BBX: variants seen among roughly 807,000 people sequenced by gnomAD.
The protein encoded by BBX is HMG box transcription factor BBX.
A neutral mutation model predicts 100.2 loss-of-function variants in BBX; 30 were observed. The observed-to-expected ratio is 0.30, with a 90% CI of 0.22 to 0.41. BBX has a LOEUF of 0.41. Among genes scored for constraint, BBX ranks in the 10% least tolerant of loss-of-function variants. The pLI is 1.00. For synonymous variants in BBX, 376 were observed against 388.1 expected (o/e 0.97, Z 0.37); for missense variants, 1,023 against 1,129.8 (o/e 0.91, Z 1.35).
chr3:107,797,784 G>A (rs987329439), intron 15 of BBX, among the ~76,000 whole-genome samples: 2 of 152,170 alleles, frequency 1.3e-5, no homozygotes, highest in Admixed American at 1.3e-4. Flanking sequence ...TTGACAGAGT[G>A]ACTCAGAATA....
At chr3:107,558,554 T>C (rs2050249200) in intron 2 of BBX, among the ~76,000 whole-genome samples, 1 of 152,154 alleles carries the variant, frequency 6.6e-6, no homozygotes, top group African/African-American at 2.4e-5. Flanking sequence ...TGTCAGGGGC[T>C]GTCCTAGTTG....
At chr3:107,731,860 A>T (rs1314055695) in intron 6 of BBX, among the ~76,000 whole-genome samples, 1 of 152,142 alleles carries the variant, frequency 6.6e-6, no homozygotes, top group Non-Finnish European at 1.5e-5. Context: ...ATTTTGACTG[A>T]TCCTCATTTT....
intron 2 of BBX, among the ~76,000 whole-genome samples, chr3:107,619,296 A>G (rs1393469969): frequency 6.6e-6 from 1 of 152,100 alleles, no homozygotes; most frequent in Non-Finnish European, 1.5e-5. Flanking sequence ...TTTCTTGTAG[A>G]TAGCATATAG....
At chr3:107,635,888 T>G (rs1297647582) in intron 2 of BBX, among the ~76,000 whole-genome samples, 2 of 152,070 alleles carry the variant, frequency 1.3e-5, no homozygotes, top group African/African-American at 4.8e-5. Flanking sequence ...ATTTTTGTAT[T>G]TTTAGTAGAG....
At chr3:107,667,498 A>G (rs1442072344) in intron 3 of BBX, among the ~76,000 whole-genome samples, 1 of 151,872 alleles carries the variant, frequency 6.6e-6, no homozygotes. Flanking sequence ...TATTAATAAA[A>G]TAAGTTGGAC....
intron 3 of BBX, among the ~76,000 whole-genome samples, chr3:107,683,772 A>G (rs1249150442): frequency 6.6e-6 from 1 of 152,196 alleles, no homozygotes; most frequent in East Asian, 1.9e-4. Flanking sequence ...TTTATGGTCC[A>G]AGTGCTGTTG....
chr3:107,719,126 A>T (rs2107408266), intron 5 of BBX, among the ~76,000 whole-genome samples: 1 of 152,194 alleles, frequency 6.6e-6, no homozygotes, highest in East Asian at 1.9e-4. Flanking sequence ...GATAGTTGCT[A>T]GTGATACAAG....
chr3:107,631,785 C>G (rs2056563646), intron 2 of BBX, among the ~76,000 whole-genome samples: 1 of 152,044 alleles, frequency 6.6e-6, no homozygotes, highest in African/African-American at 2.4e-5. Flanking sequence ...ACTTTTCTGC[C>G]TTGTGTCGTC....
intron 3 of BBX, among the ~76,000 whole-genome samples, chr3:107,704,891 A>G (rs2061302773): frequency 1.3e-5 from 2 of 152,170 alleles, no homozygotes; most frequent in African/African-American, 4.8e-5. Context: ...GGGCTTTCAG[A>G]TAAAAGAAGA....
intron 5 of BBX, among the ~76,000 whole-genome samples, chr3:107,719,838 C>G (rs1158176434): frequency 6.6e-6 from 1 of 152,024 alleles, no homozygotes. Flanking sequence ...ATACAAATCT[C>G]TGCATTTTTG....
At chr3:107,804,886 C>T (rs1405992502) in intron 17 of BBX, among the ~76,000 whole-genome samples, 1 of 151,484 alleles carries the variant, frequency 6.6e-6, no homozygotes, top group African/African-American at 2.4e-5. Context: ...CACTAAATTA[C>T]CTGAAGGTTA....
At chr3:107,769,999 G>A (rs1008084277) in intron 10 of BBX, among the ~76,000 whole-genome samples, 1 of 152,024 alleles carries the variant, frequency 6.6e-6, no homozygotes, top group Non-Finnish European at 1.5e-5. Flanking sequence ...CTATAATTTA[G>A]GATTAACATA....
chr3:107,765,061 C>T lies in BBX; in HGVS notation c.907-7567C>T, dbSNP rs535294538. ...TCTCATTTTGTTGAATATTTTTCCT[C>T]CAATGATAGAATCATTCAACCCTAA... On this transcript the variant is annotated intron_variant, in intron 10 of 17. Coordinates refer to ENST00000325805, the MANE Select transcript of BBX (RefSeq NM_001142568.3). Among the ~76,000 whole-genome samples the T allele has an allele frequency of 2.2e-3, 338 of 152,274 alleles. 2 individuals are homozygous for T. The highest frequency in any genetic ancestry group is 4.0e-3 in the Non-Finnish European group (270 of 68,022).
intron 3 of BBX, among the ~76,000 whole-genome samples, chr3:107,686,177 T>A (rs1054338626): frequency 7.9e-5 from 12 of 152,308 alleles, no homozygotes; most frequent in South Asian, 2.1e-4. Flanking sequence ...TAAATATGTG[T>A]GTGTGTTTAT....
intron 3 of BBX, among the ~76,000 whole-genome samples, chr3:107,683,394 A>T (rs913088409): frequency 1.3e-5 from 2 of 152,152 alleles, no homozygotes; most frequent in African/African-American, 4.8e-5. Flanking sequence ...GCCCTTTAGT[A>T]GGATGGGAAG....
In BBX at chr3:107,773,170, T is replaced by C. The variant is rs2067040363; in HGVS notation, c.1449T>C (p.Ile483=). ...AGAGGCAGTCTTCGGAATCTGACAT[T>C]GAGAGCGTCATATATACCATTGAAG... ...CKKRQSSESD[I]ESVIYTIEAV... Residue 483 remains isoleucine (I), a synonymous_variant, in exon 11 of 18, where the codon ATT becomes ATC. Coordinates refer to ENST00000325805, the MANE Select transcript of BBX (RefSeq NM_001142568.3). The surrounding 1 kb of genome is among the most constrained non-coding windows in gnomAD (Gnocchi z 4.1). The C allele has an allele frequency of 6.2e-7, 1 of 1,613,982 alleles. No individual in the cohort carries two copies. Among genetic ancestry groups the C allele is most frequent in the African/African-American group, 1.3e-5 (1 of 74,890 alleles).
At chr3:107,741,099 G>A (rs967445649) in intron 7 of BBX, among the ~76,000 whole-genome samples, 8 of 151,692 alleles carry the variant, frequency 5.3e-5, no homozygotes, top group African/African-American at 9.7e-5. Context: ...GGGTAGGAAC[G>A]TATGGCTCAG....
In BBX at chr3:107,805,534, C is replaced by G; in HGVS notation, c.*77C>G. 6.2e-7 allele frequency: 1 copy of G among 1,611,158 alleles called. No individual in the cohort carries two copies. The highest frequency in any genetic ancestry group is 8.5e-7 in the Non-Finnish European group (1 of 1,178,398). On this transcript the variant is annotated 3_prime_UTR_variant, in exon 18 of 18. Coordinates refer to ENST00000325805, the MANE Select transcript of BBX (RefSeq NM_001142568.3). ...CTTTACCGAGGGATGCTAGTGAGTCCAAGTGGTGGAAAATATAGACTGCAA... is the reference window on the plus strand; with the variant it reads ...CTTTACCGAGGGATGCTAGTGAGTCGAAGTGGTGGAAAATATAGACTGCAA...
chr3:107,556,520 A>G (rs539688509), intron 2 of BBX, among the ~76,000 whole-genome samples: 8 of 152,088 alleles, frequency 5.3e-5, no homozygotes, highest in African/African-American at 7.2e-5. Flanking sequence ...TTCTGCAGTT[A>G]TTCCTTTGAT....
Sources: gnomAD v4.1 joint callset for allele counts (sites outside exome capture counted in the v4.1 genomes callset) on GRCh38, gnomAD v4.1.1 for gene constraint, Gnocchi (gnomAD v3.1) non-coding constraint, MANE v1.5 for transcripts, NCBI Gene and HGNC (gene_info 2026-07-23, HGNC 2026-07-21) for gene names.